TAS2R1: variants seen among roughly 807,000 people sequenced by gnomAD.
The protein encoded by TAS2R1 is taste 2 receptor member 1.
For synonymous variants in TAS2R1, 141 were observed against 134.2 expected (o/e 1.05, Z -0.35); for missense variants, 370 against 353.4 (o/e 1.05, Z -0.38).
chr5:9,895,679 C>A, the TAS2R1 span, among the ~76,000 whole-genome samples: 13 of 152,202 alleles, frequency 8.5e-5, no homozygotes, highest in Non-Finnish European at 1.6e-4. Context: ...CCCTTCTGGG[C>A]ACTCTATCAA....
the TAS2R1 span, among the ~76,000 whole-genome samples, chr5:9,871,159 T>C: frequency 2.6e-5 from 4 of 152,062 alleles, no homozygotes; most frequent in Non-Finnish European, 4.4e-5. Context: ...ATCAGGAGAA[T>C]GTGAGCAAAA....
At chr5:9,676,042 G>GT (rs1740868446) in intron 1 of TAS2R1, among the ~76,000 whole-genome samples, 1 of 152,080 alleles carries the variant, frequency 6.6e-6, no homozygotes, top group Admixed American at 6.6e-5. Context: ...TTCCTAGCTT[G>GT]TTGAGAGATT....
At chr5:9,630,970 T>C (rs1216623629), upstream of TAS2R1, among the ~76,000 whole-genome samples, 1 of 152,202 alleles carries the variant, frequency 6.6e-6, no homozygotes, top group East Asian at 1.9e-4. Context: ...CTTTACATTA[T>C]TGACATTTTG....
At chr5:9,771,177 G>T in the TAS2R1 span, among the ~76,000 whole-genome samples, 1 of 151,988 alleles carries the variant, frequency 6.6e-6, no homozygotes, top group South Asian at 2.1e-4. Flanking sequence ...TCTTCATTCT[G>T]TTGATATGAT....
chr5:9,820,554 G>A, the TAS2R1 span, among the ~76,000 whole-genome samples: 1 of 152,150 alleles, frequency 6.6e-6, no homozygotes, highest in African/African-American at 2.4e-5. Context: ...ATGTAGTGGT[G>A]TCTAGCCTCT....
At chr5:9,679,223 C>T (rs550649306) in intron 1 of TAS2R1, among the ~76,000 whole-genome samples, 4 of 152,166 alleles carry the variant, frequency 2.6e-5, no homozygotes, top group African/African-American at 4.8e-5. Context: ...GGATAATGGG[C>T]GAAGCACAGG....
intron 1 of TAS2R1, among the ~76,000 whole-genome samples, chr5:9,695,112 G>C (rs1444254553): frequency 1.3e-5 from 2 of 152,178 alleles, no homozygotes; most frequent in Non-Finnish European, 2.9e-5. Context: ...GAATGTTACT[G>C]ATCTCACAGA....
chr5:9,787,774 CAG>C, the TAS2R1 span, among the ~76,000 whole-genome samples: 3 of 152,240 alleles, frequency 2.0e-5, no homozygotes, highest in African/African-American at 7.2e-5. Context: ...AAGAGGACCC[CAG>C]AGAGTGTCTG....
intron 1 of TAS2R1, among the ~76,000 whole-genome samples, chr5:9,699,343 C>T (rs556269691): frequency 1.7e-4 from 26 of 152,354 alleles, no homozygotes; most frequent in African/African-American, 6.0e-4. Context: ...TTCCCTTCGA[C>T]GCTTTCATGC....
At chr5:9,634,344 C>G (rs1360360703), upstream of TAS2R1, among the ~76,000 whole-genome samples, 1 of 152,096 alleles carries the variant, frequency 6.6e-6, no homozygotes, top group Admixed American at 6.5e-5. Context: ...GTAACTATAG[C>G]TTTTTAGCAT....
At chr5:9,715,720 T>A (rs575070656), upstream of TAS2R1, among the ~76,000 whole-genome samples, 1 of 152,274 alleles carries the variant, frequency 6.6e-6, no homozygotes, top group African/African-American at 2.4e-5. Flanking sequence ...TTGAACTGGA[T>A]GGGAGACTGA....
the TAS2R1 span, among the ~76,000 whole-genome samples, chr5:9,861,101 T>C: frequency 1.3e-5 from 2 of 150,484 alleles, no homozygotes; most frequent in African/African-American, 4.9e-5. Context: ...TTTGAGCTAG[T>C]GACCAATATT....
chr5:9,685,948 C>T (rs994699155), intron 1 of TAS2R1, among the ~76,000 whole-genome samples: 1 of 152,224 alleles, frequency 6.6e-6, no homozygotes, highest in African/African-American at 2.4e-5. Flanking sequence ...CCACTGCAAC[C>T]TCCACCTCCT....
the TAS2R1 span, among the ~76,000 whole-genome samples, chr5:9,826,205 TATA>T: frequency 6.6e-6 from 1 of 152,212 alleles, no homozygotes; most frequent in African/African-American, 2.4e-5. Context: ...ATAATTTTTG[TATA>T]ATGATGCTAA....
chr5:9,635,250 A>T (rs768703813), upstream of TAS2R1, among the ~76,000 whole-genome samples: 32 of 152,222 alleles, frequency 2.1e-4, no homozygotes, highest in South Asian at 1.2e-3. Context: ...TATCACATGT[A>T]TTGACTTGTA....
chr5:9,749,460 C>T, the TAS2R1 span, among the ~76,000 whole-genome samples: 2 of 152,180 alleles, frequency 1.3e-5, no homozygotes, highest in Non-Finnish European at 1.5e-5. Flanking sequence ...AGCATCTGTA[C>T]ATTTAAGGCA....
At chr5:9,826,131 A>G in the TAS2R1 span, among the ~76,000 whole-genome samples, 1 of 152,212 alleles carries the variant, frequency 6.6e-6, no homozygotes, top group Non-Finnish European at 1.5e-5. Context: ...TAAGTCATAG[A>G]TTTATAAAAT....
chr5:9,738,620 G>A, the TAS2R1 span, among the ~76,000 whole-genome samples: 1 of 152,110 alleles, frequency 6.6e-6, no homozygotes, highest in Non-Finnish European at 1.5e-5. Flanking sequence ...GGCCCTCGTG[G>A]GTGATCAACC....
At chr5:9,858,919 T>C in the TAS2R1 span, among the ~76,000 whole-genome samples, 1 of 152,226 alleles carries the variant, frequency 6.6e-6, no homozygotes, top group Non-Finnish European at 1.5e-5. Flanking sequence ...AATTAGTAGG[T>C]AGCAGACAAG....
Sources: gnomAD v4.1 joint callset for allele counts (sites outside exome capture counted in the v4.1 genomes callset) on GRCh38, gnomAD v4.1.1 for gene constraint, MANE v1.5 for transcripts, NCBI Gene and HGNC (gene_info 2026-07-23, HGNC 2026-07-21) for gene names.